Variants in DLGAP2 observed in about 807,000 individuals in gnomAD.
DLGAP2 encodes the protein disks large-associated protein 2.
A neutral mutation model predicts 100.3 loss-of-function variants in DLGAP2; 26 were observed. The observed-to-expected ratio is 0.26, with a 90% CI of 0.19 to 0.36. DLGAP2 has a LOEUF of 0.36. Ranked by LOEUF, DLGAP2 falls within the 10% of genes least tolerant of loss-of-function variation. The pLI, the probability that DLGAP2 is intolerant of heterozygous loss-of-function variation, is 1.00. For missense variants in DLGAP2, 1,858 were observed against 1,453.2 expected, an observed-to-expected ratio of 1.28 and a Z score of -4.53; for synonymous variants, 886 against 630.1, an observed-to-expected ratio of 1.41 and a Z score of -6.08.
intron 3 of DLGAP2, among the ~76,000 whole-genome samples, chr8:1,450,941 A>G (rs1393574173): frequency 6.6e-6 from 1 of 152,106 alleles, no homozygotes; most frequent in Non-Finnish European, 1.5e-5. Context: ...CTCTTTGTAT[A>G]ATTTCTCTAT....
intron 2 of DLGAP2, among the ~76,000 whole-genome samples, chr8:957,364 G>T (rs1799620063): frequency 6.6e-6 from 1 of 152,196 alleles, no homozygotes; most frequent in Admixed American, 6.5e-5. Context: ...CAGGTTAAAA[G>T]TTGTCCTTCG....
intron 1 of DLGAP2, among the ~76,000 whole-genome samples, chr8:881,631 C>G (rs1797795458): frequency 9.8e-6 from 1 of 101,932 alleles, no homozygotes; most frequent in African/African-American, 3.4e-5. Context: ...TCCCAAGTAG[C>G]TGGGATTATA....
intron 3 of DLGAP2, among the ~76,000 whole-genome samples, chr8:1,447,439 C>G (rs1000641680): frequency 6.6e-6 from 1 of 152,224 alleles, no homozygotes; most frequent in Non-Finnish European, 1.5e-5. Flanking sequence ...ATGAAGCCCA[C>G]TTGATCATGG....
intron 3 of DLGAP2, among the ~76,000 whole-genome samples, chr8:1,465,464 TAG>T (rs1039298450): frequency 4.6e-5 from 7 of 151,776 alleles, no homozygotes; most frequent in Non-Finnish European, 1.0e-4. Flanking sequence ...ATTAATTTGC[TAG>T]AGTGGCTCCC....
At chr8:1,139,320 A>T (rs1796480390) in intron 2 of DLGAP2, among the ~76,000 whole-genome samples, 1 of 152,254 alleles carries the variant, frequency 6.6e-6, no homozygotes, top group Non-Finnish European at 1.5e-5. Context: ...CTGAGGCTGC[A>T]GGGATGCAAT....
At chr8:807,790 C>T (rs927623192) in intron 1 of DLGAP2, among the ~76,000 whole-genome samples, 1 of 152,164 alleles carries the variant, frequency 6.6e-6, no homozygotes, top group Non-Finnish European at 1.5e-5. Flanking sequence ...TTACTGCTAC[C>T]CATTTTCCCT....
chr8:1,419,912 C>T (rs541500196), intron 3 of DLGAP2, among the ~76,000 whole-genome samples: 8 of 152,152 alleles, frequency 5.3e-5, no homozygotes, highest in Admixed American at 6.5e-5. Flanking sequence ...GAGATGGAAT[C>T]GACCTGAGTG....
intron 2 of DLGAP2, among the ~76,000 whole-genome samples, chr8:1,040,963 C>G (rs1436072887): frequency 6.6e-6 from 1 of 152,100 alleles, no homozygotes; most frequent in African/African-American, 2.4e-5. Flanking sequence ...TGTAAAGGTG[C>G]AGGGTGTTTC....
intron 3 of DLGAP2, among the ~76,000 whole-genome samples, chr8:1,310,079 A>C (rs955956023): frequency 1.3e-5 from 2 of 148,340 alleles, no homozygotes; most frequent in South Asian, 4.2e-4. Flanking sequence ...AAAAAAAAAG[A>C]TGAAACCTGC....
chr8:1,333,661 G>A (rs894660272), intron 3 of DLGAP2, among the ~76,000 whole-genome samples: 2 of 152,184 alleles, frequency 1.3e-5, no homozygotes, highest in African/African-American at 4.8e-5. Context: ...TTTGTGTGCC[G>A]ATGTAACCGC....
intron 2 of DLGAP2, among the ~76,000 whole-genome samples, chr8:1,000,376 G>A (rs569896339): frequency 2.7e-5 from 4 of 150,652 alleles, no homozygotes; most frequent in South Asian, 4.3e-4. Context: ...TCTCTAGAGC[G>A]GAAAGATCTG....
chr8:1,083,734 T>A (rs896272112), intron 2 of DLGAP2, among the ~76,000 whole-genome samples: 3 of 152,204 alleles, frequency 2.0e-5, no homozygotes, highest in African/African-American at 7.2e-5. Flanking sequence ...TAATTTCATG[T>A]GCAAGCGCCA....
intron 3 of DLGAP2, among the ~76,000 whole-genome samples, chr8:1,299,282 G>A (rs542449523): frequency 3.3e-4 from 51 of 152,328 alleles, no homozygotes; most frequent in African/African-American, 1.2e-3. Flanking sequence ...AGGCCACCCA[G>A]GGTGCCGCAT....
intron 2 of DLGAP2, among the ~76,000 whole-genome samples, chr8:1,095,696 A>C (rs1364356884): frequency 6.6e-6 from 1 of 152,226 alleles, no homozygotes; most frequent in Admixed American, 6.5e-5. Flanking sequence ...TCCCAGGCCA[A>C]AACAGTCCCG....
At chr8:1,624,306 G>A (rs985142787) in intron 6 of DLGAP2, among the ~76,000 whole-genome samples, 2 of 152,080 alleles carry the variant, frequency 1.3e-5, no homozygotes, top group Admixed American at 6.6e-5. Flanking sequence ...GCAGAAGTGC[G>A]GGAAGTTTAC....
intron 2 of DLGAP2, among the ~76,000 whole-genome samples, chr8:1,193,264 G>A (rs1028989470): frequency 2.5e-4 from 38 of 152,254 alleles, no homozygotes; most frequent in African/African-American, 9.1e-4. Context: ...TTCCACAATG[G>A]TTGAACCAGT....
intron 3 of DLGAP2, among the ~76,000 whole-genome samples, chr8:1,352,757 T>C (rs1299963052): frequency 6.6e-6 from 1 of 152,134 alleles, no homozygotes; most frequent in Non-Finnish European, 1.5e-5. Context: ...TTCTCCTGCC[T>C]TTCTGAGGTT....
intron 6 of DLGAP2, among the ~76,000 whole-genome samples, chr8:1,606,676 A>C (rs1796811063): frequency 6.6e-6 from 1 of 152,140 alleles, no homozygotes; most frequent in Non-Finnish European, 1.5e-5. Context: ...TAATTCTGCT[A>C]TGACCATTAT....
chr8:1,051,790 C>A (rs1247877957), intron 2 of DLGAP2, among the ~76,000 whole-genome samples: 1 of 152,112 alleles, frequency 6.6e-6, no homozygotes, highest in South Asian at 2.1e-4. Context: ...TGCTCAGTCA[C>A]CTGCTGAGTC....
Sources: allele counts gnomAD v4.1 joint callset (sites outside exome capture counted in the v4.1 genomes callset), GRCh38; gene constraint gnomAD v4.1.1; transcripts MANE v1.5; gene names NCBI Gene and HGNC (gene_info 2026-07-23, HGNC 2026-07-21).